UTS2: variants seen among roughly 807,000 people sequenced by gnomAD.
UTS2 encodes the protein urotensin 2, also known as urotensin-2.
UTS2 carries 10 observed loss-of-function variants against 12.6 expected under a neutral mutation model. The observed-to-expected ratio is 0.80, with a 90% CI of 0.49 to 1.35. The LOEUF (loss-of-function observed/expected upper bound fraction) is 1.35. Among genes scored for constraint, UTS2 ranks in the 40% most tolerant of loss-of-function variants. UTS2 has a pLI of 0.00. For synonymous variants in UTS2, 52 were observed against 50.0 expected (o/e 1.04, Z -0.17); for missense variants, 142 against 143.2 (o/e 0.99, Z 0.04).
the UTS2 span, among the ~76,000 whole-genome samples, chr1:7,896,369 C>T: frequency 2.6e-5 from 4 of 152,036 alleles, no homozygotes; most frequent in Non-Finnish European, 5.9e-5. Flanking sequence ...ACCCAGATGG[C>T]TTTACAGGTG....
chr1:7,883,843 T>C, the UTS2 span, among the ~76,000 whole-genome samples: 2 of 145,918 alleles, frequency 1.4e-5, no homozygotes, highest in East Asian at 2.6e-4. Flanking sequence ...CAATAAAATA[T>C]TCTTTTTTTT....
upstream of UTS2, among the ~76,000 whole-genome samples, chr1:7,854,064 G>A (rs923151234): frequency 5.3e-5 from 8 of 152,036 alleles, no homozygotes; most frequent in Admixed American, 4.6e-4. Flanking sequence ...ACACTGTCTC[G>A]GCCGGGTGCA....
the UTS2 span, among the ~76,000 whole-genome samples, chr1:7,894,933 A>G: frequency 0.032 from 4,922 of 152,270 alleles, 215 homozygotes; most frequent in East Asian, 0.099. Flanking sequence ...CCTGTCTCAA[A>G]CAAAACCAAA....
At chr1:7,852,237 A>G (rs2097414932) in intron 1 of UTS2, among the ~76,000 whole-genome samples, 1 of 152,184 alleles carries the variant, frequency 6.6e-6, no homozygotes, top group South Asian at 2.1e-4. Flanking sequence ...TTTTGATGGA[A>G]CCTAATCCCC....
the UTS2 span, among the ~76,000 whole-genome samples, chr1:7,890,717 C>A: frequency 7.5e-6 from 1 of 133,726 alleles, no homozygotes; most frequent in African/African-American, 2.9e-5. Context: ...CAGAGTGAGA[C>A]CCCATCTCCA....
the UTS2 span, among the ~76,000 whole-genome samples, chr1:7,901,872 T>C: frequency 0.052 from 7,932 of 152,092 alleles, 681 homozygotes; most frequent in African/African-American, 0.18. Context: ...GTGAGGTCTG[T>C]AGGGAAAAGC....
In UTS2 at chr1:7,849,699, G is replaced by A; in HGVS notation, c.215-16C>T. ...GTACTTGAGTCTGAAAAACAGTTTT[G>A]AAGCCAGTTCATCAGATCTGTTGTT... On this transcript the variant is annotated splice_polypyrimidine_tract_variant and intron_variant, in intron 2 of 3. Coordinates refer to ENST00000361696, the MANE Select transcript of UTS2 (RefSeq NM_006786.4). The A allele has an allele frequency of 5.6e-6, 9 of 1,605,530 alleles. No homozygotes were observed. The highest frequency in any genetic ancestry group is 7.6e-6 in the Non-Finnish European group (9 of 1,177,454).
At chr1:7,904,903 CA>C in the UTS2 span, among the ~76,000 whole-genome samples, 398 of 58,218 alleles carry the variant, frequency 6.8e-3, no homozygotes, top group African/African-American at 0.022. Context: ...GACTCTGTCT[CA>C]AAAAAAAAAA....
chr1:7,850,882 T>C lies in UTS2; in HGVS notation c.144A>G (p.Glu48=). ...GCAGTATCTGTAGAAGGGAAGCTCTTTCTAGCTCCTCCGGAGTTAAGCGCG... is the reference window on the plus strand; with the variant it reads ...GCAGTATCTGTAGAAGGGAAGCTCTCTCTAGCTCCTCCGGAGTTAAGCGCG... ...EDARLTPEEL[E]RASLLQILPE... The change falls in exon 2 of 4, where the codon GAA becomes GAG. Residue 48 remains glutamate, a synonymous_variant. Transcript: ENST00000361696. 1.2e-6 allele frequency: 2 copies of C among 1,614,130 alleles called. 1 individual carries two copies. Among genetic ancestry groups the C allele is most frequent in the South Asian group, 2.2e-5 (2 of 91,072 alleles).
At chr1:7,882,325 T>C in the UTS2 span, among the ~76,000 whole-genome samples, 1 of 152,018 alleles carries the variant, frequency 6.6e-6, no homozygotes, top group Admixed American at 6.6e-5. Context: ...ACAGAGTGAG[T>C]TCCTGACTCT....
the UTS2 span, among the ~76,000 whole-genome samples, chr1:7,879,295 A>G: frequency 4.6e-5 from 7 of 152,212 alleles, no homozygotes; most frequent in African/African-American, 1.7e-4. Flanking sequence ...TAAAAGTCAA[A>G]ATCATATCAA....
At chr1:7,892,469 G>GTTTTTTTTT in the UTS2 span, among the ~76,000 whole-genome samples, 3 of 77,752 alleles carry the variant, frequency 3.9e-5, no homozygotes, top group Non-Finnish European at 4.6e-5. Flanking sequence ...CCTCATGCAT[G>GTTTTTTTTT]TTTTTTTTTT....
At chr1:7,872,619 G>A in the UTS2 span, among the ~76,000 whole-genome samples, 18 of 152,156 alleles carry the variant, frequency 1.2e-4, no homozygotes, top group South Asian at 2.1e-4. Flanking sequence ...TCAACTCTGC[G>A]AAGGCTGAGA....
chr1:7,854,835 C>A (rs1477259430), upstream of UTS2, among the ~76,000 whole-genome samples: 1 of 151,776 alleles, frequency 6.6e-6, no homozygotes, highest in Non-Finnish European at 1.5e-5. Flanking sequence ...ATGCATATAT[C>A]AAAACATCAA....
chr1:7,906,737 C>T, the UTS2 span, among the ~76,000 whole-genome samples: 8 of 152,240 alleles, frequency 5.3e-5, no homozygotes, highest in Non-Finnish European at 1.0e-4. Flanking sequence ...ATATGGATGC[C>T]GGTACCAACC....
chr1:7,872,330 A>G, the UTS2 span, among the ~76,000 whole-genome samples: 6 of 140,086 alleles, frequency 4.3e-5, no homozygotes, highest in Admixed American at 7.8e-5. Flanking sequence ...GGAAAAGAAA[A>G]AAAAAGAAAA....
the UTS2 span, among the ~76,000 whole-genome samples, chr1:7,869,419 A>G: frequency 6.6e-6 from 1 of 152,188 alleles, no homozygotes. Context: ...CCTCCCCAAA[A>G]TAGGGGTGAG....
At chr1:7,853,327 A>G (rs1377285008), upstream of UTS2, 1 of 1,614,086 alleles carries the variant, frequency 6.2e-7, no homozygotes, top group African/African-American at 1.3e-5. Flanking sequence ...CATGAATTAA[A>G]GGAAGGCTTG....
chr1:7,908,460 CAAAAAAA>C, the UTS2 span, among the ~76,000 whole-genome samples: 6 of 49,620 alleles, frequency 1.2e-4, no homozygotes, highest in African/African-American at 3.9e-4. Flanking sequence ...GACTCTGTCT[CAAAAAAA>C]AAAAAAAAAA....
Sources: gnomAD v4.1 joint callset for allele counts (sites outside exome capture counted in the v4.1 genomes callset) on GRCh38, gnomAD v4.1.1 for gene constraint, MANE v1.5 for transcripts, NCBI Gene and HGNC (gene_info 2026-07-23, HGNC 2026-07-21) for gene names.